The following LIMCH1 variants were observed in gnomAD, a reference collection of about 807,000 sequenced individuals.
LIMCH1 encodes the protein LIM and calponin homology domains-containing protein 1.
A neutral mutation model predicts 176.5 loss-of-function variants in LIMCH1; 113 were observed. The observed-to-expected ratio is 0.64, with a 90% CI of 0.55 to 0.75. The LOEUF (loss-of-function observed/expected upper bound fraction) is 0.75. Ranked by LOEUF, LIMCH1 falls within the 30% of genes least tolerant of loss-of-function variation. The pLI is 0.00. For missense variants in LIMCH1, 1,674 were observed against 1,814.9 expected, an observed-to-expected ratio of 0.92 and a Z score of 1.41; for synonymous variants, 619 against 645.9, an observed-to-expected ratio of 0.96 and a Z score of 0.63.
At chr4:41,381,864 G>A (rs755911442) in intron 1 of LIMCH1, among the ~76,000 whole-genome samples, 13 of 152,110 alleles carry the variant, frequency 8.5e-5, no homozygotes, top group Non-Finnish European at 1.5e-4. Flanking sequence ...ATTAGGGGTT[G>A]GATCATTGTG....
rs10027218 is a variant in LIMCH1 at position 41,446,797 on chromosome 4, T to G, written c.97-47739T>G. On this transcript the variant is annotated intron_variant, in intron 1 of 26. Transcript: ENST00000313860. ...TCAAAGTTTCTTTAAAAGTGGCAAG[T>G]GGCCTCAGAAATTTGAATTATCATG... Among the ~76,000 whole-genome samples the G allele has an allele frequency of 2.3e-3, 346 of 152,342 alleles. 1 individual carries two copies. The highest frequency in any genetic ancestry group is 7.9e-3 in the African/African-American group (329 of 41,588).
intron 1 of LIMCH1, among the ~76,000 whole-genome samples, chr4:41,451,994 G>C (rs866300883): frequency 1.3e-5 from 2 of 152,092 alleles, no homozygotes; most frequent in African/African-American, 4.8e-5. Context: ...CCCTAGGCAC[G>C]CTTTCTGGAT....
rs1325021915 is a variant in LIMCH1, at chr4:41,619,338, C to CCTA, written c.358_360dup (p.Tyr120dup). 1.7e-5 allele frequency: 28 copies of CCTA among 1,614,036 alleles called. No individual in the cohort carries two copies. Among genetic ancestry groups the CCTA allele is most frequent in the Non-Finnish European group, 2.4e-5 (28 of 1,180,040 alleles). On this transcript the variant is annotated inframe_insertion, in exon 6 of 32. Coordinates refer to ENST00000503057, the MANE Select transcript of LIMCH1 (RefSeq NM_001330672.2). ...CTCCCGAACAAAAGCAATCAGACGG[C>CCTA]CTACGTCCCCGCGCCTCTGAGAAAG...
intron 18 of LIMCH1, among the ~76,000 whole-genome samples, chr4:41,660,923 T>A (rs2094596255): frequency 6.6e-6 from 1 of 151,780 alleles, no homozygotes; most frequent in African/African-American, 2.4e-5. Flanking sequence ...AAGGAGAGAA[T>A]GAATTAGAAC....
chr4:41,563,256 G>T (rs1047634100), intron 1 of LIMCH1, among the ~76,000 whole-genome samples: 2 of 152,076 alleles, frequency 1.3e-5, no homozygotes, highest in Non-Finnish European at 2.9e-5. Context: ...ATATATTCAA[G>T]AGATTATGGA....
intron 1 of LIMCH1, among the ~76,000 whole-genome samples, chr4:41,470,700 G>A (rs569479374): frequency 1.1e-4 from 17 of 152,094 alleles, no homozygotes; most frequent in African/African-American, 3.4e-4. Context: ...TATTAACCAC[G>A]CCTCTTCTCT....
At chr4:41,414,535 T>C (rs2059758653) in intron 1 of LIMCH1, among the ~76,000 whole-genome samples, 3 of 152,208 alleles carry the variant, frequency 2.0e-5, no homozygotes, top group Admixed American at 1.3e-4. Flanking sequence ...GCTAAGACTG[T>C]AAATCCGTAT....
intron 21 of LIMCH1, chr4:41,671,083 C>A: frequency 1.4e-6 from 1 of 702,462 alleles, no homozygotes; most frequent in South Asian, 6.5e-5. Flanking sequence ...AGATTAAAAG[C>A]ATTTACCAGA....
At position 41,547,872 on chromosome 4, in the gene LIMCH1, T is replaced by C. The variant is rs535616894; in HGVS notation, c.-241+9522T>C. On this transcript the variant is annotated intron_variant, in intron 1 of 31. Coordinates refer to ENST00000503057, the MANE Select transcript of LIMCH1 (RefSeq NM_001330672.2). ...TATAATTTGTGTGTGTGTATATATA[T>C]ATATATATATATATATATATATATA... 4.9e-4 allele frequency among the ~76,000 whole-genome samples: 62 copies of C among 126,950 alleles called. No homozygotes were observed. The East Asian group carries it at 0.011, about 23-fold the overall frequency. The allele number at this position is 126,950 out of a possible 152,430, so 83.3% of individuals were successfully genotyped here.
intron 13 of LIMCH1, among the ~76,000 whole-genome samples, chr4:41,635,154 T>C (rs1306272270): frequency 2.0e-5 from 3 of 151,698 alleles, no homozygotes; most frequent in African/African-American, 4.8e-5. Flanking sequence ...TCTGTCAGAG[T>C]GGAAAACCAG....
intron 1 of LIMCH1, among the ~76,000 whole-genome samples, chr4:41,373,344 T>A (rs912690785): frequency 1.3e-5 from 2 of 152,098 alleles, no homozygotes; most frequent in Admixed American, 1.3e-4. Flanking sequence ...TGGGAGTAGG[T>A]ATGAGGGAGG....
intron 3 of LIMCH1, among the ~76,000 whole-genome samples, chr4:41,527,247 T>A (rs2076751903): frequency 6.6e-6 from 1 of 152,248 alleles, no homozygotes; most frequent in African/African-American, 2.4e-5. Flanking sequence ...AAAGTAGCTC[T>A]GTTCTGAAAT....
chr4:41,684,595 C>G, intron 27 of LIMCH1, 77 bp downstream of exon 27: 1 of 1,514,960 alleles, frequency 6.6e-7, no homozygotes, highest in South Asian at 1.3e-5. Flanking sequence ...AAGCTATGAT[C>G]TCTGCTGGCT....
At chr4:41,451,296 T>G (rs558870491) in intron 1 of LIMCH1, among the ~76,000 whole-genome samples, 7 of 151,924 alleles carry the variant, frequency 4.6e-5, no homozygotes, top group Non-Finnish European at 7.4e-5. Flanking sequence ...TTTTTTTTTT[T>G]TGTATTTTTG....
intron 22 of LIMCH1, among the ~76,000 whole-genome samples, chr4:41,674,322 T>C (rs935938073): frequency 1.3e-5 from 2 of 152,250 alleles, no homozygotes; most frequent in African/African-American, 4.8e-5. Context: ...CCTCAGTGTT[T>C]TTTGTATGGC....
Position 41,538,347 on chromosome 4 carries a change from G to C in LIMCH1, c.-244G>C, listed in dbSNP as rs934257701. On this transcript the variant is annotated 5_prime_UTR_variant, in exon 1 of 32. Coordinates refer to ENST00000503057, the MANE Select transcript of LIMCH1 (RefSeq NM_001330672.2). ...TTCATTGCGGAGCATGAGGACGTGTGGGGGTAAGTAAAATTCATTATAAAA... is the reference window on the plus strand; with the variant it reads ...TTCATTGCGGAGCATGAGGACGTGTCGGGGTAAGTAAAATTCATTATAAAA... 1.7e-5 allele frequency: 17 copies of C among 985,124 alleles called. No homozygotes were observed. In the African/African-American group the frequency reaches 2.4e-4, roughly 14 times the overall value. The allele number at this position is 985,124 out of a possible 1,614,324, so 61.0% of individuals were successfully genotyped here.
At chr4:41,368,333 T>C (rs933190748) in intron 1 of LIMCH1, among the ~76,000 whole-genome samples, 2 of 152,218 alleles carry the variant, frequency 1.3e-5, no homozygotes, top group African/African-American at 4.8e-5. Context: ...ATGTGCAGCA[T>C]AGTGTTAGGC....
chr4:41,628,055 C>G (rs1271357733), intron 8 of LIMCH1, among the ~76,000 whole-genome samples: 1 of 152,140 alleles, frequency 6.6e-6, no homozygotes, highest in Non-Finnish European at 1.5e-5. Flanking sequence ...AAGAGAAAAT[C>G]TGGCATCATT....
intron 3 of LIMCH1, among the ~76,000 whole-genome samples, chr4:41,532,037 G>A (rs1017278515): frequency 2.0e-5 from 3 of 152,150 alleles, no homozygotes; most frequent in Admixed American, 6.5e-5. Flanking sequence ...AACCTCGGTT[G>A]CGTTCCCACA....
Sources: allele counts gnomAD v4.1 joint callset (sites outside exome capture counted in the v4.1 genomes callset), GRCh38; gene constraint gnomAD v4.1.1; transcripts MANE v1.5; gene names NCBI Gene and HGNC (gene_info 2026-07-23, HGNC 2026-07-21).